ZNF347: variants seen among roughly 807,000 people sequenced by gnomAD.
ZNF347 encodes the protein zinc finger protein 347.
In ZNF347, 19 loss-of-function variants were observed where a neutral mutation model predicts 12.9. That is an observed-to-expected ratio of 1.47 (90% CI 1.03 to 2.16). ZNF347 has a LOEUF of 2.16. Ranked by LOEUF, ZNF347 falls within the 30% of genes most tolerant of loss-of-function variation. The pLI, the probability that ZNF347 is intolerant of heterozygous loss-of-function variation, is 0.00. For synonymous variants in ZNF347, 328 were observed against 340.6 expected (o/e 0.96, Z 0.41); for missense variants, 1,005 against 990.6 (o/e 1.01, Z -0.19).
rs564789309 is a variant in ZNF347 at position 53,142,289 on chromosome 19, A to T, written c.539T>A (p.Ile180Asn). ...AAGGCTTAATCCAAGCTGATTTTTAATAAGCTTGTTTCTTGCATCTCTTTT... is the reference window on the plus strand; with the variant it reads ...AAGGCTTAATCCAAGCTGATTTTTATTAAGCTTGTTTCTTGCATCTCTTTT... ...HDKRDARNKLIKNQLGLSLQS... is the reference protein window; with the variant it reads ...HDKRDARNKLNKNQLGLSLQS... Residue 180 changes from isoleucine (I) to asparagine (N), a missense_variant, in exon 5 of 5, where the codon ATT becomes AAT. Physicochemically the swap from Ile to Asn is moderately radical, Grantham distance 149. Transcript: ENST00000334197. 22 of 1,613,906 alleles carry T rather than the reference A, an allele frequency of 1.4e-5. No individual in the cohort carries two copies. The African/African-American group carries it at 2.4e-4, about 18-fold the overall frequency.
chr19:53,146,283 T>A (rs968715081), intron 4 of ZNF347, among the ~76,000 whole-genome samples: 6 of 151,292 alleles, frequency 4.0e-5, no homozygotes, highest in East Asian at 1.9e-4. Context: ...CCTAAAAAAA[T>A]TTTTTTTTAG....
Position 53,144,681 on chromosome 19 carries a change from T to C in ZNF347, c.272-2125A>G, listed in dbSNP as rs376789508. On this transcript the variant is annotated intron_variant, in intron 4 of 4. Coordinates refer to ENST00000334197, the MANE Select transcript of ZNF347 (RefSeq NM_032584.3). The stretch of plus-strand genomic sequence containing the variant: ...CCTATGTTGCCCAGGCTGTGGTCCA[T>C]TGCCTAGTCACAGGTGAGTTCACAG... Among the ~76,000 whole-genome samples, 50 of 152,302 alleles carry C rather than the reference T, an allele frequency of 3.3e-4. 1 individual carries two copies. The East Asian group carries it at 8.5e-3, about 26-fold the overall frequency.
rs66614865 is a variant in ZNF347 at position 53,135,299 on chromosome 19, A to AATATAT, written c.*5003_*5008dup. ...TCTTCATAGTTCTACCCATTTTCTAAATATATATATATATATATATATATA... is the reference window on the plus strand; with the variant it reads ...TCTTCATAGTTCTACCCATTTTCTAAATATATATATATATATATATATATATATATA... On this transcript the variant is annotated 3_prime_UTR_variant, in exon 5 of 5. Coordinates refer to ENST00000334197, the MANE Select transcript of ZNF347 (RefSeq NM_032584.3). 6 of 72,668 alleles carry AATATAT rather than the reference A, an allele frequency of 8.3e-5. 1 individual carries two copies. Among genetic ancestry groups the AATATAT allele is most frequent in the African/African-American group, 2.6e-4 (4 of 15,346 alleles). The allele number at this position is 72,668 out of a possible 1,614,324, so 4.5% of individuals were successfully genotyped here. A position where few individuals can be genotyped will look rare whatever the true frequency, so the allele number is the denominator to read the frequency against.
Position 53,141,026 on chromosome 19 carries a change from T to G in ZNF347, c.1802A>C (p.Glu601Ala), listed in dbSNP as rs1360831170. ...ATTATGCCTAAAGACCTTGCCACATTCATTACATTTATAAGGTTTCTCTCC... is the reference window on the plus strand; with the variant it reads ...ATTATGCCTAAAGACCTTGCCACATGCATTACATTTATAAGGTTTCTCTCC... ...HTGEKPYKCN[E>A]CGKVFRHNSY... Residue 601 changes from glutamate (E) to alanine (A), a missense_variant, in exon 5 of 5, where the codon GAA becomes GCA. By Grantham distance (107) the Glu-to-Ala change is moderately radical. Coordinates refer to ENST00000334197, the MANE Select transcript of ZNF347 (RefSeq NM_032584.3). 1.9e-6 allele frequency: 3 copies of G among 1,613,626 alleles called. No homozygotes were observed. Among genetic ancestry groups the G allele is most frequent in the East Asian group, 4.5e-5 (2 of 44,806 alleles).
chr19:53,152,328 C>T (rs547210989), intron 2 of ZNF347, among the ~76,000 whole-genome samples: 1 of 152,000 alleles, frequency 6.6e-6, no homozygotes, highest in Admixed American at 6.6e-5. Flanking sequence ...ACTGAAGGGC[C>T]GGGCATGGTG....
At position 53,141,806 on chromosome 19, in the gene ZNF347, C is replaced by T. The variant is rs1318637953; in HGVS notation, c.1022G>A (p.Gly341Glu). The part of the protein sequence containing the change: ...QLSQHQKIHT[G>E]EKPYKCNECG... ...TTCGTTACATTTATAAGGTTTCTCT[C>T]CAGTGTGAATTTTCTGATGTTGTGA... Residue 341 changes from glycine to glutamate, a missense_variant, in exon 5 of 5, where the codon GGA (glycine) becomes GAA (glutamate). Coordinates refer to ENST00000334197, the MANE Select transcript of ZNF347 (RefSeq NM_032584.3). The T allele has an allele frequency of 8.1e-6, 13 of 1,614,000 alleles. No individual in the cohort carries two copies. Among genetic ancestry groups the T allele is most frequent in the Non-Finnish European group, 1.1e-5 (13 of 1,179,974 alleles).
At chr19:53,156,320 T>G (rs2090535684) in intron 1 of ZNF347, among the ~76,000 whole-genome samples, 1 of 151,988 alleles carries the variant, frequency 6.6e-6, no homozygotes, top group Admixed American at 6.6e-5. Context: ...GGAGAATCGC[T>G]TGAACTCGGG....
chr19:53,150,492 T>C (rs1207035388), intron 2 of ZNF347, among the ~76,000 whole-genome samples: 1 of 152,196 alleles, frequency 6.6e-6, no homozygotes, highest in Admixed American at 6.5e-5. Context: ...ATACAAAAAA[T>C]ACACAAATAT....
intron 1 of ZNF347, among the ~76,000 whole-genome samples, chr19:53,156,781 C>T (rs1201904402): frequency 6.6e-6 from 1 of 152,188 alleles, no homozygotes; most frequent in Non-Finnish European, 1.5e-5. Context: ...GGGAGACTTA[C>T]AACTGGCACC....
At position 53,137,680 on chromosome 19, in the gene ZNF347, A is replaced by G. The variant is rs1333290870; in HGVS notation, c.*2628T>C. 1 of 152,232 alleles carries G rather than the reference A, an allele frequency of 6.6e-6. No homozygotes were observed. Among genetic ancestry groups the G allele is most frequent in the Non-Finnish European group, 1.5e-5 (1 of 68,040 alleles). The allele number at this position is 152,232 out of a possible 1,614,324, so 9.4% of individuals were successfully genotyped here. On this transcript the variant is annotated 3_prime_UTR_variant, in exon 5 of 5. Coordinates refer to ENST00000334197, the MANE Select transcript of ZNF347 (RefSeq NM_032584.3). ...TTATGAAACTTCTAGTTTACCTACA[A>G]AAACAAAATTTCCATTATATATGTT...
intron 2 of ZNF347, 81 bp downstream of exon 2, chr19:53,153,652 C>CA (rs1230642577): frequency 1.3e-6 from 2 of 1,565,248 alleles, no homozygotes; most frequent in Non-Finnish European, 1.8e-6. Context: ...GCTTCAGACT[C>CA]AGAGAAGATT....
chr19:53,156,427 T>C (rs2090536487), intron 1 of ZNF347, among the ~76,000 whole-genome samples: 1 of 151,252 alleles, frequency 6.6e-6, no homozygotes, highest in African/African-American at 2.4e-5. Context: ...AAAGACTGCA[T>C]GACGAGGTGC....
intron 4 of ZNF347, among the ~76,000 whole-genome samples, chr19:53,146,150 T>C (rs977014150): frequency 3.3e-5 from 5 of 151,786 alleles, no homozygotes; most frequent in African/African-American, 1.2e-4. Flanking sequence ...TAATTTTGTA[T>C]TTTTAGTAGA....
rs186714909 is a variant in ZNF347 at position 53,152,156 on chromosome 19, T to C, written c.15+1577A>G. Among the ~76,000 whole-genome samples the C allele has an allele frequency of 5.7e-3, 846 of 149,712 alleles. 11 individuals are homozygous for C. Among genetic ancestry groups the C allele is most frequent in the African/African-American group, 0.02 (801 of 40,680 alleles). On this transcript the variant is annotated intron_variant, in intron 2 of 4. Coordinates refer to ENST00000334197, the MANE Select transcript of ZNF347 (RefSeq NM_032584.3). ...AAAAAACACGCACTCACGTCACATA[T>C]ACACAGTTTAGTAATAACAACAGTG...
In ZNF347 at chr19:53,141,151, A is replaced by G. The variant is rs933836795; in HGVS notation, c.1677T>C (p.His559=). Residue 559 remains histidine, a synonymous_variant, in exon 5 of 5, where the codon CAT becomes CAC. Coordinates refer to ENST00000334197, the MANE Select transcript of ZNF347 (RefSeq NM_032584.3). ...AFSVYSSLTT[H]QVIHTGEKPY... ...GTTTTTCTCCAGTATGGATGACCTG[A>G]TGGGTAGTTAGGCTTGAATACACAC... 6.2e-7 allele frequency: 1 copy of G among 1,614,046 alleles called. No individual in the cohort carries two copies. The highest frequency in any genetic ancestry group is 8.5e-7 in the Non-Finnish European group (1 of 1,179,930).
Position 53,141,765 on chromosome 19 carries a change from T to C in ZNF347, c.1063A>G (p.Thr355Ala), listed in dbSNP as rs1440751850. 1 of 1,613,642 alleles carries C rather than the reference T, an allele frequency of 6.2e-7. No homozygotes were observed. The highest frequency in any genetic ancestry group is 8.5e-7 in the Non-Finnish European group (1 of 1,179,810). ...YKCNECGKVFTQNSHLVRHRG... is the reference protein window; with the variant it reads ...YKCNECGKVFAQNSHLVRHRG... ...TGTCTTACAAGGTGTGAATTCTGAG[T>C]GAAGACCTTGCCACATTCGTTACAT... The change falls in exon 5 of 5, where the codon ACT becomes GCT. Residue 355 changes from threonine to alanine, a missense_variant. Coordinates refer to ENST00000334197, the MANE Select transcript of ZNF347 (RefSeq NM_032584.3).
chr19:53,141,635 T>G lies in ZNF347; in HGVS notation c.1193A>C (p.Glu398Ala). ...LAIHQATHSG[E>A]KPYKCNECGK... ...ACATTCATTACATTTGTAAGGTTTT[T>G]CTCCACTGTGGGTTGCCTGATGGAT... Residue 398 changes from glutamate (E) to alanine (A), a missense_variant, in exon 5 of 5, where the codon GAA becomes GCA. Physicochemically the swap from Glu to Ala is moderately radical, Grantham distance 107. Coordinates refer to ENST00000334197, the MANE Select transcript of ZNF347 (RefSeq NM_032584.3). 1 of 1,614,052 alleles carries G rather than the reference T, an allele frequency of 6.2e-7. No individual in the cohort carries two copies. Among genetic ancestry groups the G allele is most frequent in the Non-Finnish European group, 8.5e-7 (1 of 1,179,990 alleles).
intron 4 of ZNF347, among the ~76,000 whole-genome samples, chr19:53,143,754 T>G (rs1055449722): frequency 1.3e-5 from 2 of 152,060 alleles, no homozygotes; most frequent in African/African-American, 2.4e-5. Flanking sequence ...GTAATGGGAT[T>G]GCTGGGTCAA....
chr19:53,152,073 A>G lies in ZNF347; in HGVS notation c.15+1660T>C, dbSNP rs1259389614. Among the ~76,000 whole-genome samples the G allele has an allele frequency of 1.5e-5, 2 of 129,920 alleles. 1 individual carries two copies. The highest frequency in any genetic ancestry group is 3.4e-5 in the Non-Finnish European group (2 of 59,502). The allele number at this position is 129,920 out of a possible 152,430, so 85.2% of individuals were successfully genotyped here. A position where few individuals can be genotyped will look rare whatever the true frequency, so the allele number is the denominator to read the frequency against. On this transcript the variant is annotated intron_variant, in intron 2 of 4. Transcript: ENST00000334197. ...GCACCACTGCACTCCAGCCTGGGTG[A>G]CAGAGTGAGACTCTGTCTCAAAAAA...
Sources: allele counts gnomAD v4.1 joint callset (sites outside exome capture counted in the v4.1 genomes callset), GRCh38; gene constraint gnomAD v4.1.1; transcripts MANE v1.5; gene names NCBI Gene and HGNC (gene_info 2026-07-23, HGNC 2026-07-21).